Variants in DNAH3 observed in about 807,000 individuals in gnomAD.
DNAH3 encodes the protein axonemal beta dynein heavy chain 3.
In DNAH3, 332 loss-of-function variants were observed where a neutral mutation model predicts 432.5. That is an observed-to-expected ratio of 0.77 (90% CI 0.70 to 0.84). The LOEUF (loss-of-function observed/expected upper bound fraction) is 0.84. DNAH3 is among the 40% of genes least tolerant of loss of function. The probability of loss-of-function intolerance (pLI) is 0.00; values close to 1 mark genes in which losing one functional copy is unlikely to be tolerated. For missense variants in DNAH3, 4,861 were observed against 5,114.0 expected, an observed-to-expected ratio of 0.95 and a Z score of 1.51; for synonymous variants, 1,956 against 1,900.2, an observed-to-expected ratio of 1.03 and a Z score of -0.76.
exon 53 of DNAH3, chr16:20,964,695 G>C (rs1473698677): frequency 6.2e-7 from 1 of 1,614,064 alleles, no homozygotes; most frequent in African/African-American, 1.3e-5. Flanking sequence ...CGATGGAGAA[G>C]GAGTCAACGG....
exon 60 of DNAH3, chr16:20,936,845 T>G: frequency 6.2e-7 from 1 of 1,610,570 alleles, no homozygotes; most frequent in South Asian, 1.1e-5. Flanking sequence ...CCGAACCACT[T>G]TGGTCAGCCT....
chr16:21,029,346 A>G (rs1302097438), intron 37 of DNAH3, among the ~76,000 whole-genome samples: 1 of 152,202 alleles, frequency 6.6e-6, no homozygotes, highest in Non-Finnish European at 1.5e-5. Context: ...ATATATTTTG[A>G]TTTGATAATG....
chr16:21,008,505 T>C (rs2087427030), intron 41 of DNAH3, among the ~76,000 whole-genome samples: 1 of 152,152 alleles, frequency 6.6e-6, no homozygotes, highest in Non-Finnish European at 1.5e-5. Flanking sequence ...GCTAGTGATG[T>C]GCCCCACTCC....
intron 15 of DNAH3, among the ~76,000 whole-genome samples, chr16:21,105,412 C>T (rs1368606838): frequency 6.6e-6 from 1 of 152,134 alleles, no homozygotes; most frequent in African/African-American, 2.4e-5. Flanking sequence ...TTTCCTTTTA[C>T]AATACACAGG....
chr16:21,090,372 CAAA>C (rs113846329), intron 18 of DNAH3, among the ~76,000 whole-genome samples: 1 of 114,452 alleles, frequency 8.7e-6, no homozygotes, highest in African/African-American at 3.1e-5. Context: ...AGATACATTA[CAAA>C]AAAAAAAAAA....
chr16:21,127,396 CA>C (rs11342012), intron 8 of DNAH3, among the ~76,000 whole-genome samples: 74,767 of 136,468 alleles, frequency 0.55, 19,681 homozygotes, highest in East Asian at 0.67. Context: ...ACTAATAATA[CA>C]AAAAAAAAAA....
chr16:20,986,475 C>A (rs1462440697), intron 47 of DNAH3, among the ~76,000 whole-genome samples: 2 of 151,918 alleles, frequency 1.3e-5, no homozygotes, highest in African/African-American at 4.8e-5. Flanking sequence ...CCATTGCACT[C>A]CAGCCTGGGT....
chr16:21,131,363 G>T (rs1024407316), intron 7 of DNAH3, among the ~76,000 whole-genome samples: 7 of 149,782 alleles, frequency 4.7e-5, no homozygotes, highest in Admixed American at 2.7e-4. Flanking sequence ...AAAGAAACAG[G>T]GTCACAGAGG....
At chr16:21,049,489 T>A (rs2089862396) in intron 31 of DNAH3, 80 bp downstream of exon 31, 1 of 1,108,478 alleles carries the variant, frequency 9.0e-7, no homozygotes, top group South Asian at 1.3e-5. Context: ...TATAAGGCCC[T>A]GTTATTAAGG....
chr16:20,982,478 A>C (rs149726505), intron 49 of DNAH3, among the ~76,000 whole-genome samples: 1 of 152,316 alleles, frequency 6.6e-6, no homozygotes, highest in African/African-American at 2.4e-5. Context: ...TGAAATAGCT[A>C]TATCATTATT....
chr16:21,089,414 TC>T (rs2091469005), intron 18 of DNAH3, among the ~76,000 whole-genome samples: 1 of 152,220 alleles, frequency 6.6e-6, no homozygotes, highest in African/African-American at 2.4e-5. Flanking sequence ...GAGTACACAT[TC>T]TTTTTTATTG....
chr16:21,147,986 G>A (rs2092806617), intron 1 of DNAH3, among the ~76,000 whole-genome samples: 1 of 152,106 alleles, frequency 6.6e-6, no homozygotes, highest in Non-Finnish European at 1.5e-5. Context: ...ATTTTCAAGG[G>A]CAATTTTGAC....
At chr16:21,029,847 C>T (rs2088782489) in intron 37 of DNAH3, among the ~76,000 whole-genome samples, 1 of 151,894 alleles carries the variant, frequency 6.6e-6, no homozygotes, top group African/African-American at 2.4e-5. Flanking sequence ...TTTTTTGAGA[C>T]AAGGTCTTTC....
At chr16:20,957,377 T>C (rs76841372) in intron 54 of DNAH3, among the ~76,000 whole-genome samples, 1 of 152,236 alleles carries the variant, frequency 6.6e-6, no homozygotes, top group South Asian at 2.1e-4. Flanking sequence ...TTGAATTTCA[T>C]AGAAGTTTCA....
At chr16:21,019,702 G>C (rs1487514235) in exon 41 of DNAH3, 1 of 1,614,036 alleles carries the variant, frequency 6.2e-7, no homozygotes, top group African/African-American at 1.3e-5. Flanking sequence ...CCCATGATCA[G>C]GTTGCGGAAA....
intron 55 of DNAH3, among the ~76,000 whole-genome samples, chr16:20,953,849 A>G (rs2084430282): frequency 6.6e-6 from 1 of 151,596 alleles, no homozygotes; most frequent in African/African-American, 2.4e-5. Flanking sequence ...GCCTCAAGCG[A>G]TCCTCCCACC....
intron 44 of DNAH3, among the ~76,000 whole-genome samples, chr16:20,994,577 C>T (rs779080131): frequency 1.3e-5 from 2 of 152,318 alleles, no homozygotes; most frequent in African/African-American, 2.4e-5. Flanking sequence ...CAACCATCTC[C>T]ACCATTCATC....
intron 31 of DNAH3, among the ~76,000 whole-genome samples, chr16:21,047,748 T>C (rs1363791281): frequency 2.8e-4 from 42 of 151,914 alleles, no homozygotes; most frequent in African/African-American, 9.2e-4. Flanking sequence ...GGAGGAGAGG[T>C]GCTCTGCTTT....
At chr16:21,097,407 C>T (rs753994739) in exon 18 of DNAH3, 4 of 1,613,920 alleles carry the variant, frequency 2.5e-6, no homozygotes, top group Admixed American at 3.3e-5. Flanking sequence ...TCGACCACAG[C>T]TGCTCATAAG....
Sources: gnomAD v4.1 joint callset for allele counts (sites outside exome capture counted in the v4.1 genomes callset) on GRCh38, gnomAD v4.1.1 for gene constraint, MANE v1.5 for transcripts, NCBI Gene and HGNC (gene_info 2026-07-23, HGNC 2026-07-21) for gene names.